Variants in KCTD8 observed in about 807,000 individuals in gnomAD.
The protein encoded by KCTD8 is potassium channel tetramerization domain containing 8.
In KCTD8, 27 loss-of-function variants were observed where a neutral mutation model predicts 31.5. That is an observed-to-expected ratio of 0.86 (90% CI 0.63 to 1.18). The LOEUF (loss-of-function observed/expected upper bound fraction) is 1.18. Among genes scored for constraint, KCTD8 ranks in the 50% most tolerant of loss-of-function variants. The pLI is 0.00. For missense variants in KCTD8, 658 were observed against 647.7 expected, an observed-to-expected ratio of 1.02 and a Z score of -0.17; for synonymous variants, 290 against 280.0, an observed-to-expected ratio of 1.04 and a Z score of -0.36.
chr4:44,273,440 T>G (rs1053839548), intron 1 of KCTD8, among the ~76,000 whole-genome samples: 3 of 151,922 alleles, frequency 2.0e-5, no homozygotes, highest in Admixed American at 2.0e-4. Context: ...CATAAAACCT[T>G]AATGAATTTT....
intron 1 of KCTD8, among the ~76,000 whole-genome samples, chr4:44,356,567 G>A (rs1297959886): frequency 4.6e-5 from 7 of 152,062 alleles, no homozygotes; most frequent in East Asian, 1.9e-4. Flanking sequence ...TCCGCCTCCC[G>A]GGTTCAAGCG....
chr4:44,318,348 AG>A (rs1485485762), intron 1 of KCTD8, among the ~76,000 whole-genome samples: 1 of 152,184 alleles, frequency 6.6e-6, no homozygotes, highest in Non-Finnish European at 1.5e-5. Flanking sequence ...CTCCTGTCCC[AG>A]CCTTCTAAGT....
chr4:44,216,314 C>T (rs144145043), intron 1 of KCTD8, among the ~76,000 whole-genome samples: 4 of 152,104 alleles, frequency 2.6e-5, no homozygotes, highest in South Asian at 2.1e-4. Context: ...TATATTAAAT[C>T]GTATTGTGAT....
intron 1 of KCTD8, among the ~76,000 whole-genome samples, chr4:44,252,401 G>A (rs534015705): frequency 6.6e-6 from 1 of 151,782 alleles, no homozygotes; most frequent in East Asian, 1.9e-4. Context: ...TGGATCAAAC[G>A]GTAATTCTAC....
intron 1 of KCTD8, among the ~76,000 whole-genome samples, chr4:44,408,441 A>T (rs1720857314): frequency 2.0e-5 from 3 of 152,224 alleles, no homozygotes; most frequent in African/African-American, 7.2e-5. Context: ...TATCTGCTAC[A>T]TTTAACTTGA....
At chr4:44,412,926 C>T (rs1412356530) in intron 1 of KCTD8, among the ~76,000 whole-genome samples, 3 of 152,228 alleles carry the variant, frequency 2.0e-5, no homozygotes, top group Middle Eastern at 6.8e-3. Flanking sequence ...TTTTTCTCTT[C>T]TCTGAGCCCT....
intron 1 of KCTD8, among the ~76,000 whole-genome samples, chr4:44,366,343 G>C (rs1456276950): frequency 2.6e-5 from 4 of 152,086 alleles, no homozygotes; most frequent in Non-Finnish European, 5.9e-5. Context: ...CATGGGGGGT[G>C]GATTTCCCTT....
chr4:44,349,417 A>T (rs1020421769), intron 1 of KCTD8, among the ~76,000 whole-genome samples: 1 of 152,194 alleles, frequency 6.6e-6, no homozygotes, highest in Non-Finnish European at 1.5e-5. Flanking sequence ...GAGAGCAAGG[A>T]ATGCCCATTG....
At chr4:44,331,049 A>G (rs1003705022) in intron 1 of KCTD8, among the ~76,000 whole-genome samples, 15 of 151,906 alleles carry the variant, frequency 9.9e-5, no homozygotes, top group African/African-American at 3.6e-4. Flanking sequence ...AACATGTTAA[A>G]TATTCTTTCA....
intron 1 of KCTD8, among the ~76,000 whole-genome samples, chr4:44,410,875 T>C (rs368149950): frequency 2.0e-5 from 3 of 152,132 alleles, no homozygotes. Context: ...AGCCAAACCA[T>C]ATCAGCATGT....
intron 1 of KCTD8, among the ~76,000 whole-genome samples, chr4:44,322,946 G>A (rs1449882365): frequency 6.6e-6 from 1 of 151,940 alleles, no homozygotes; most frequent in Non-Finnish European, 1.5e-5. Flanking sequence ...TGATAAATGT[G>A]TCTGTTATTA....
At chr4:44,439,889 C>T (rs1721771743) in intron 1 of KCTD8, among the ~76,000 whole-genome samples, 3 of 142,250 alleles carry the variant, frequency 2.1e-5, no homozygotes. Flanking sequence ...TCTAGTCCAC[C>T]AATCATTTAT....
At chr4:44,442,996 T>C (rs1243932354) in intron 1 of KCTD8, among the ~76,000 whole-genome samples, 1 of 152,182 alleles carries the variant, frequency 6.6e-6, no homozygotes, top group Non-Finnish European at 1.5e-5. Flanking sequence ...GATATAAAAG[T>C]TCAATGCCAT....
At chr4:44,246,944 C>T (rs1324213192) in intron 1 of KCTD8, among the ~76,000 whole-genome samples, 1 of 151,932 alleles carries the variant, frequency 6.6e-6, no homozygotes, top group Non-Finnish European at 1.5e-5. Context: ...CCTTAAATAA[C>T]GATGTTCCAC....
Position 44,174,182 on chromosome 4 carries a change from T to C in KCTD8, c.*608A>G, listed in dbSNP as rs942321779. 6.6e-6 allele frequency: 1 copy of C among 152,550 alleles called. No homozygotes were observed. Among genetic ancestry groups the C allele is most frequent in the Non-Finnish European group, 1.5e-5 (1 of 68,004 alleles). 9.4% of individuals were successfully genotyped at this position (152,550 alleles called of 1,614,324 possible). ...CAGATCCAGAACAAAGAAAATTCAA[T>C]CTCCTAGACAGCTTACATTTATAGG... On this transcript the variant is annotated 3_prime_UTR_variant, in exon 2 of 2. Transcript: ENST00000360029.
At chr4:44,317,535 G>A (rs577715639) in intron 1 of KCTD8, among the ~76,000 whole-genome samples, 1 of 141,090 alleles carries the variant, frequency 7.1e-6, no homozygotes, top group Admixed American at 6.7e-5. Context: ...CACCGCGCCC[G>A]GCCCGGGTGC....
chr4:44,288,895 T>G (rs2109383658), intron 1 of KCTD8, among the ~76,000 whole-genome samples: 1 of 150,944 alleles, frequency 6.6e-6, no homozygotes, highest in South Asian at 2.1e-4. Context: ...TGTCAGATTT[T>G]TATTCTTATT....
At chr4:44,182,523 C>A (rs1331469507) in intron 1 of KCTD8, among the ~76,000 whole-genome samples, 1 of 152,136 alleles carries the variant, frequency 6.6e-6, no homozygotes, top group Non-Finnish European at 1.5e-5. Flanking sequence ...TGTGCTGTGT[C>A]CACTCAGGGT....
At position 44,444,169 on chromosome 4, in the gene KCTD8, A is replaced by G. The variant is rs1290248270; in HGVS notation, c.961+3394T>C. Among the ~76,000 whole-genome samples the G allele has an allele frequency of 7.2e-5, 11 of 152,332 alleles. No homozygotes were observed. In the East Asian group the frequency reaches 2.1e-3, roughly 29 times the overall value. Reference sequence around the variant, plus strand: ...TGAGCATAAAAACCCAGTGACTTGGATACAAGCACTTAAGGAGATATGAAT... The same window carrying G: ...TGAGCATAAAAACCCAGTGACTTGGGTACAAGCACTTAAGGAGATATGAAT... On this transcript the variant is annotated intron_variant, in intron 1 of 1. Transcript: ENST00000360029.
Sources: gnomAD v4.1 joint callset for allele counts (sites outside exome capture counted in the v4.1 genomes callset) on GRCh38, gnomAD v4.1.1 for gene constraint, MANE v1.5 for transcripts, NCBI Gene and HGNC (gene_info 2026-07-23, HGNC 2026-07-21) for gene names.